The following CLCN5 variants were observed in gnomAD, a reference collection of about 807,000 sequenced individuals.
CLCN5 encodes H(+)/Cl(-) exchange transporter 5.
Under a neutral mutation model 54.0 loss-of-function variants are expected in CLCN5, and 17 were observed. The observed-to-expected ratio is 0.31, with a 90% confidence interval of 0.22 to 0.47. The LOEUF is 0.47. Among genes scored for constraint, CLCN5 ranks in the 20% least tolerant of loss-of-function variants. The pLI is 1.00. For synonymous variants in CLCN5, 222 were observed against 233.0 expected (o/e 0.95, Z 0.43); for missense variants, 448 against 646.7 (o/e 0.69, Z 3.33).
chrX:49,934,150 A>G (rs1407045924), intron 3 of CLCN5, among the ~76,000 whole-genome samples: 2 of 110,927 alleles, frequency 1.8e-5, no homozygotes, highest in African/African-American at 6.6e-5. Context: ...GGTATCTTAC[A>G]GTTTTCTGTT....
intron 3 of CLCN5, among the ~76,000 whole-genome samples, chrX:49,947,740 T>C (rs1205593660): frequency 9.0e-6 from 1 of 111,414 alleles, no homozygotes; most frequent in Admixed American, 9.5e-5. Context: ...TTCGCTGTCG[T>C]CCATAAACAT....
chrX:49,971,879 A>G (rs1361060012), intron 3 of CLCN5, among the ~76,000 whole-genome samples: 1 of 111,953 alleles, frequency 8.9e-6, no homozygotes, highest in Non-Finnish European at 1.9e-5. Flanking sequence ...ATTTTTTGCC[A>G]GTTAAATTGT....
chrX:49,959,543 G>C (rs191879339), intron 3 of CLCN5, among the ~76,000 whole-genome samples: 37 of 111,885 alleles, frequency 3.3e-4, no homozygotes, highest in African/African-American at 1.2e-3. Context: ...TGATGACACT[G>C]TTTTCTCCAC....
At position 50,096,539 on chromosome X, in the gene CLCN5, G is replaced by T. The variant is rs1934267088; in HGVS notation, c.*4320G>T. On this transcript the variant is annotated 3_prime_UTR_variant, in exon 15 of 15. Coordinates refer to ENST00000376091, the MANE Select transcript of CLCN5 (RefSeq NM_001127898.4). ...TCACCATGTTGGCCAGGATGGTCTC[G>T]ATCTCTTGACCTCGTGATCCACCCA... The T allele has an allele frequency of 8.9e-6, 1 of 111,813 alleles. No individual in the cohort carries two copies. The highest frequency in any genetic ancestry group is 1.9e-5 in the Non-Finnish European group (1 of 53,021). The allele number at this position is 111,813 out of a possible 1,213,427, so 9.2% of individuals were successfully genotyped here.
chrX:50,063,855 A>G (rs1557190340), intron 4 of CLCN5, among the ~76,000 whole-genome samples: 1 of 111,553 alleles, frequency 9.0e-6, no homozygotes, highest in Non-Finnish European at 1.9e-5. Context: ...CTGGTTCAGT[A>G]TACGCAAATC....
rs1557185597 is a variant in CLCN5, at chrX:50,029,857, C to A, written c.17-12459C>A. On this transcript the variant is annotated intron_variant, in intron 3 of 14. Transcript: ENST00000376091. ...CCTCAGGGATCTAGAAATAGAAATA[C>A]CATTTGACCCAGCCATCCCATTACT... 2.7e-5 allele frequency among the ~76,000 whole-genome samples: 3 copies of A among 111,951 alleles called. No individual in the cohort carries two copies. In the East Asian group the frequency reaches 8.4e-4, roughly 31 times the overall value.
intron 3 of CLCN5, among the ~76,000 whole-genome samples, chrX:50,022,628 C>T (rs1461829263): frequency 1.2e-5 from 1 of 80,083 alleles, no homozygotes; most frequent in Non-Finnish European, 2.2e-5. Flanking sequence ...CTATAAATTT[C>T]CCTCTACACA....
intron 3 of CLCN5, among the ~76,000 whole-genome samples, chrX:50,032,925 AGC>A (rs1557186059): frequency 1.8e-5 from 2 of 111,396 alleles, no homozygotes; most frequent in Non-Finnish European, 3.8e-5. Flanking sequence ...ATCCAGTTTC[AGC>A]TTTCTACATA....
intron 3 of CLCN5, among the ~76,000 whole-genome samples, chrX:49,957,873 A>T (rs1372597304): frequency 1.8e-5 from 2 of 111,781 alleles, no homozygotes; most frequent in Non-Finnish European, 3.8e-5. Flanking sequence ...CAGTGATAGC[A>T]TGTTACAAAC....
chrX:49,978,543 T>A (rs1928588134), intron 3 of CLCN5, among the ~76,000 whole-genome samples: 1 of 112,497 alleles, frequency 8.9e-6, no homozygotes, highest in South Asian at 3.6e-4. Context: ...AGATTTCTTC[T>A]ACAAATACAA....
chrX:49,961,434 A>G (rs1408047853), intron 3 of CLCN5, among the ~76,000 whole-genome samples: 3 of 111,922 alleles, frequency 2.7e-5, no homozygotes, highest in Non-Finnish European at 5.6e-5. Context: ...CTTAAGGTTC[A>G]GAGAGGGCAA....
At chrX:50,037,145 A>T (rs782134799) in intron 3 of CLCN5, among the ~76,000 whole-genome samples, 10 of 111,972 alleles carry the variant, frequency 8.9e-5, no homozygotes, top group African/African-American at 2.9e-4. Flanking sequence ...TCCTGCTATT[A>T]AGGTTAAAGT....
chrX:50,092,155 AG>A lies in CLCN5; in HGVS notation c.2389del (p.Asp797MetfsTer3). 1 of 1,205,673 alleles carries A rather than the reference AG, an allele frequency of 8.3e-7. No individual in the cohort carries two copies. Among genetic ancestry groups the A allele is most frequent in the Non-Finnish European group, 1.1e-6 (1 of 889,758 alleles). The stretch of plus-strand genomic sequence containing the variant: ...CGATTGCTTGGAATCATTACCAAAA[AG>A]GATGTGTTAAAGCATATAGCACAGA... ...NGRLLGIITKKDVLKHIAQMA... is the reference protein window; with the variant it reads ...NGRLLGIITKXDVLKHIAQMA... On this transcript the variant is annotated frameshift_variant, in exon 15 of 15. Coordinates refer to ENST00000376091, the MANE Select transcript of CLCN5 (RefSeq NM_001127898.4). LOFTEE classifies it high-confidence loss of function.
chrX:49,927,273 C>A, intron 3 of CLCN5, among the ~76,000 whole-genome samples: 1 of 112,094 alleles, frequency 8.9e-6, no homozygotes, highest in Non-Finnish European at 1.9e-5. Context: ...TAATGTTTAA[C>A]AACTCTTAAT....
chrX:50,075,518 C>A (rs868945526), intron 6 of CLCN5, among the ~76,000 whole-genome samples: 1 of 110,964 alleles, frequency 9.0e-6, no homozygotes, highest in African/African-American at 3.3e-5. Context: ...AAGACAGGCC[C>A]ACTAGCCCCT....
chrX:49,943,198 GTTTTCTT>G (rs1728866349), intron 3 of CLCN5, among the ~76,000 whole-genome samples: 1 of 102,923 alleles, frequency 9.7e-6, no homozygotes, highest in Non-Finnish European at 2.0e-5. Context: ...CTGCATAAAT[GTTTTCTT>G]TTGAGAAGTG....
chrX:50,076,093 AG>A lies in CLCN5; in HGVS notation c.603+112del. 7.0e-6 allele frequency: 5 copies of A among 713,638 alleles called. No individual in the cohort carries two copies. The East Asian group carries it at 1.7e-4, about 25-fold the overall frequency. The allele number at this position is 713,638 out of a possible 1,213,427, so 58.8% of individuals were successfully genotyped here. On this transcript the variant is annotated intron_variant, in intron 7 of 14. Coordinates refer to ENST00000376091, the MANE Select transcript of CLCN5 (RefSeq NM_001127898.4). ...AATCTTCCTTTATTTTCCTTTCCAC[AG>A]AAAGGGGAACCAGTACCAGCTGCCT... is the stretch of plus-strand genomic sequence containing the variant.
chrX:50,081,897 A>T (rs1370184096), intron 9 of CLCN5, 50 bp downstream of exon 9: 3 of 1,070,133 alleles, frequency 2.8e-6, no homozygotes, highest in Non-Finnish European at 3.8e-6. Context: ...AGCATAAATG[A>T]TACAATCTTA....
chrX:49,999,577 G>T (rs782779315), intron 3 of CLCN5, among the ~76,000 whole-genome samples: 24 of 110,970 alleles, frequency 2.2e-4, no homozygotes, highest in African/African-American at 7.9e-4. Context: ...TGGTAGATGT[G>T]TTGAGGAATA....
Sources: gnomAD v4.1 joint callset for allele counts (sites outside exome capture counted in the v4.1 genomes callset) on GRCh38, gnomAD v4.1.1 for gene constraint, MANE v1.5 for transcripts, NCBI Gene and HGNC (gene_info 2026-07-23, HGNC 2026-07-21) for gene names.